Variants in APTX observed in about 807,000 individuals in gnomAD.
The protein encoded by APTX is aprataxin.
APTX carries 33 observed loss-of-function variants against 42.3 expected under a neutral mutation model. The observed-to-expected ratio is 0.78, with a 90% CI of 0.59 to 1.04. APTX has a LOEUF of 1.04. APTX is among the 50% of genes least tolerant of loss of function. The pLI is 0.00. For missense variants in APTX, 421 were observed against 415.1 expected (o/e 1.01, Z -0.12); for synonymous variants, 130 against 146.7 (o/e 0.89, Z 0.82).
At chr9:33,004,350 T>C (rs1442633252), upstream of APTX, among the ~76,000 whole-genome samples, 1 of 152,206 alleles carries the variant, frequency 6.6e-6, no homozygotes, top group East Asian at 1.9e-4. Flanking sequence ...ATAGGTACAC[T>C]AAAATTTCAG....
At chr9:33,004,236 T>C (rs1056622963), upstream of APTX, among the ~76,000 whole-genome samples, 4 of 152,194 alleles carry the variant, frequency 2.6e-5, no homozygotes, top group African/African-American at 9.7e-5. Context: ...TGTAAAGGCA[T>C]ACAGAGTGGT....
upstream of APTX, among the ~76,000 whole-genome samples, chr9:33,002,236 G>C (rs914862055): frequency 6.6e-6 from 1 of 151,976 alleles, no homozygotes; most frequent in African/African-American, 2.4e-5. Flanking sequence ...TTTGGCAGAA[G>C]GAACAATCCC....
At chr9:32,994,819 G>A (rs538983191) in intron 1 of APTX, among the ~76,000 whole-genome samples, 1 of 152,190 alleles carries the variant, frequency 6.6e-6, no homozygotes, top group African/African-American at 2.4e-5. Flanking sequence ...AGGCTGTCTT[G>A]TTAGGGACTA....
upstream of APTX, among the ~76,000 whole-genome samples, chr9:33,002,855 G>A (rs190067103): frequency 7.9e-5 from 12 of 152,288 alleles, no homozygotes; most frequent in Admixed American, 6.5e-4. Flanking sequence ...AGACTTAATG[G>A]TATGATGAAG....
intron 5 of APTX, 55 bp downstream of exon 5, chr9:32,985,916 T>C (rs1251630563): frequency 2.8e-6 from 4 of 1,410,940 alleles, no homozygotes; most frequent in African/African-American, 1.4e-5. Context: ...AAGACCTCTG[T>C]GGAGTGGTCA....
At chr9:32,979,307 CTG>C (rs1587387002) in intron 6 of APTX, among the ~76,000 whole-genome samples, 1 of 152,274 alleles carries the variant, frequency 6.6e-6, no homozygotes, top group East Asian at 1.9e-4. Flanking sequence ...TTTTCTGCTC[CTG>C]TGTTAGTTCA....
chr9:33,017,008 T>C (rs560824137), intron 1 of APTX, among the ~76,000 whole-genome samples: 11 of 152,314 alleles, frequency 7.2e-5, no homozygotes, highest in Non-Finnish European at 1.6e-4. Flanking sequence ...CAGACAAAAA[T>C]CTTTGCCTAC....
intron 7 of APTX, 78 bp downstream of exon 7, chr9:32,974,380 T>G: frequency 1.0e-6 from 1 of 976,652 alleles, no homozygotes; most frequent in Non-Finnish European, 1.6e-6. Context: ...CAGACTGTTA[T>G]TCAGGGAAAC....
intron 1 of APTX, among the ~76,000 whole-genome samples, chr9:32,994,494 T>C (rs769269941): frequency 1.3e-5 from 2 of 152,196 alleles, no homozygotes; most frequent in African/African-American, 4.8e-5. Context: ...AACACATACA[T>C]ACTGGCATAC....
At chr9:32,973,839 C>G (rs1317662474) in intron 7 of APTX, 187 bp from the exon 8 acceptor site, 3 of 737,752 alleles carry the variant, frequency 4.1e-6, no homozygotes, top group Non-Finnish European at 7.0e-6. Flanking sequence ...TAAATATGAG[C>G]AACCCACCTT....
Position 32,973,363 on chromosome 9 carries a change from A to G in APTX, c.*135T>C, listed in dbSNP as rs1315812307. 6 of 1,073,236 alleles carry G rather than the reference A, an allele frequency of 5.6e-6. No individual in the cohort carries two copies. The highest frequency in any genetic ancestry group is 8.5e-6 in the Non-Finnish European group (6 of 709,016). 66.5% of individuals were successfully genotyped at this position (1,073,236 alleles called of 1,614,324 possible). ...AGCCACTCTACATTGTGGCCACTCA[A>G]TAATAGAATAAATTTGTGAAAAAGC... On this transcript the variant is annotated 3_prime_UTR_variant, in exon 8 of 8. Coordinates refer to ENST00000379817, the MANE Select transcript of APTX (RefSeq NM_001195248.2).
At chr9:33,000,187 C>G (rs1054680555) in intron 1 of APTX, among the ~76,000 whole-genome samples, 2 of 152,146 alleles carry the variant, frequency 1.3e-5, no homozygotes, top group African/African-American at 4.8e-5. Flanking sequence ...AACAATTGCT[C>G]TACACCATGG....
upstream of APTX, among the ~76,000 whole-genome samples, chr9:33,003,969 CTT>C (rs1360674739): frequency 2.6e-5 from 4 of 152,186 alleles, no homozygotes; most frequent in Admixed American, 1.3e-4. Context: ...ATAAATATCT[CTT>C]TGAGATCCTG....
chr9:32,981,270 G>A (rs1830621938), intron 6 of APTX, among the ~76,000 whole-genome samples: 1 of 152,194 alleles, frequency 6.6e-6, no homozygotes, highest in African/African-American at 2.4e-5. Flanking sequence ...ATGAGAGCCA[G>A]GTTTCTCACT....
rs1201626743 is a variant in APTX, at chr9:32,990,896, T to C, written c.-4-1001A>G. On this transcript the variant is annotated intron_variant, in intron 1 of 7. Transcript: ENST00000379817. ...TTCACTCCCATCTGCCAGGAGACAG[T>C]CATAATAAATATGCAAATCTACAAT... Among the ~76,000 whole-genome samples the C allele has an allele frequency of 3.3e-5, 5 of 152,172 alleles. No homozygotes were observed. In the East Asian group the frequency reaches 9.6e-4, roughly 29 times the overall value.
At chr9:33,024,598 TCTCA>T (rs1199935624) in intron 1 of APTX, among the ~76,000 whole-genome samples, 7 of 152,016 alleles carry the variant, frequency 4.6e-5, no homozygotes, top group Non-Finnish European at 1.0e-4. Flanking sequence ...GGTCCAAACG[TCTCA>T]CTGTTTAGCT....
At chr9:32,978,897 T>G (rs1222757926) in intron 6 of APTX, among the ~76,000 whole-genome samples, 1 of 152,214 alleles carries the variant, frequency 6.6e-6, no homozygotes, top group Admixed American at 6.5e-5. Flanking sequence ...ATTGTTGATA[T>G]TCACTTTTTG....
Position 32,973,292 on chromosome 9 carries a change from G to A in APTX, c.*206C>T, listed in dbSNP as rs1285321467. The A allele has an allele frequency of 1.9e-5, 13 of 679,644 alleles. No homozygotes were observed. The Admixed American group carries it at 2.7e-4, about 14-fold the overall frequency. The allele number at this position is 679,644 out of a possible 1,614,324, so 42.1% of individuals were successfully genotyped here. On this transcript the variant is annotated 3_prime_UTR_variant, in exon 8 of 8. Coordinates refer to ENST00000379817, the MANE Select transcript of APTX (RefSeq NM_001195248.2). ...GTATATCCCAGCCACCCTCACCAGA[G>A]AATACATCTATGACAAACCCAAATT... is the stretch of plus-strand genomic sequence containing the variant.
At chr9:33,001,783 G>T (rs1391430079), upstream of APTX, 44 of 770,200 alleles carry the variant, frequency 5.7e-5, no homozygotes, top group Non-Finnish European at 8.1e-5. Flanking sequence ...GAGGATCCTG[G>T]AAGTTATGCC....
Sources: gnomAD v4.1 joint callset for allele counts (sites outside exome capture counted in the v4.1 genomes callset) on GRCh38, gnomAD v4.1.1 for gene constraint, MANE v1.5 for transcripts, NCBI Gene and HGNC (gene_info 2026-07-23, HGNC 2026-07-21) for gene names.